The following FBXL13 variants were observed in gnomAD, a reference collection of about 807,000 sequenced individuals.
FBXL13 encodes F-box and leucine-rich repeat protein 13.
Under a neutral mutation model 83.6 loss-of-function variants are expected in FBXL13, and 67 were observed. The ratio of observed to expected loss-of-function variants is 0.80; its 90% confidence interval spans 0.66 to 0.98. FBXL13 has a LOEUF of 0.98. Ranked by LOEUF, FBXL13 falls within the 50% of genes least tolerant of loss-of-function variation. FBXL13 has a pLI of 0.00. For synonymous variants in FBXL13, 272 were observed against 299.5 expected, an observed-to-expected ratio of 0.91 and a Z score of 0.95; for missense variants, 822 against 866.5, an observed-to-expected ratio of 0.95 and a Z score of 0.64.
intron 8 of FBXL13, among the ~76,000 whole-genome samples, chr7:102,947,346 G>C (rs965764894): frequency 5.3e-5 from 8 of 152,142 alleles, no homozygotes; most frequent in African/African-American, 1.7e-4. Context: ...AGGCTAGTTA[G>C]GGATTTTATT....
chr7:102,923,385 C>T (rs992373934), intron 10 of FBXL13, among the ~76,000 whole-genome samples: 5 of 152,086 alleles, frequency 3.3e-5, no homozygotes, highest in Non-Finnish European at 7.3e-5. Flanking sequence ...AATGAGAGGT[C>T]ACCAAACACA....
intron 18 of FBXL13, among the ~76,000 whole-genome samples, chr7:102,831,455 T>C (rs1335056615): frequency 1.3e-5 from 2 of 151,176 alleles, no homozygotes; most frequent in African/African-American, 4.9e-5. Context: ...AGTTATCTTG[T>C]CCAAAATATG....
intron 11 of FBXL13, among the ~76,000 whole-genome samples, chr7:102,898,678 CAGCAA>C (rs1812583191): frequency 6.6e-6 from 1 of 152,094 alleles, no homozygotes; most frequent in Non-Finnish European, 1.5e-5. Flanking sequence ...CTGTCAGTGC[CAGCAA>C]AGTGGGAAGT....
At chr7:103,018,774 A>G (rs1404175700) in intron 6 of FBXL13, among the ~76,000 whole-genome samples, 3 of 152,244 alleles carry the variant, frequency 2.0e-5, no homozygotes, top group Non-Finnish European at 4.4e-5. Flanking sequence ...AAGAAGAGAT[A>G]ACTATACTAA....
intron 8 of FBXL13, among the ~76,000 whole-genome samples, chr7:102,950,237 T>C (rs1004400479): frequency 1.3e-5 from 2 of 152,150 alleles, no homozygotes; most frequent in Non-Finnish European, 2.9e-5. Flanking sequence ...ACAAATGTCA[T>C]CAGGGAAATG....
chr7:102,846,118 A>G (rs1197203163), intron 17 of FBXL13, among the ~76,000 whole-genome samples: 1 of 152,228 alleles, frequency 6.6e-6, no homozygotes, highest in Non-Finnish European at 1.5e-5. Flanking sequence ...CTAAATTGAT[A>G]TTAGCTGACA....
intron 2 of FBXL13, among the ~76,000 whole-genome samples, chr7:103,045,390 T>G (rs1036120092): frequency 6.6e-6 from 1 of 152,244 alleles, no homozygotes; most frequent in Non-Finnish European, 1.5e-5. Context: ...TTAGTTCACT[T>G]TAACAACTTC....
chr7:103,035,110 C>T (rs1794945374), intron 2 of FBXL13, among the ~76,000 whole-genome samples: 1 of 152,126 alleles, frequency 6.6e-6, no homozygotes, highest in Non-Finnish European at 1.5e-5. Flanking sequence ...CCAGTGTGGT[C>T]TGAGTAAAGT....
chr7:102,876,197 C>T (rs1006680610), intron 16 of FBXL13, among the ~76,000 whole-genome samples: 6 of 152,142 alleles, frequency 3.9e-5, no homozygotes, highest in Non-Finnish European at 7.3e-5. Flanking sequence ...AAGGCAGACA[C>T]GACAGGGAAA....
intron 16 of FBXL13, among the ~76,000 whole-genome samples, chr7:102,873,415 G>T (rs568202918): frequency 6.6e-6 from 1 of 152,260 alleles, no homozygotes; most frequent in African/African-American, 2.4e-5. Flanking sequence ...CTCACATTCA[G>T]TTGAGCTCTA....
At chr7:102,910,332 G>A (rs1185940398) in intron 11 of FBXL13, among the ~76,000 whole-genome samples, 1 of 152,142 alleles carries the variant, frequency 6.6e-6, no homozygotes, top group African/African-American at 2.4e-5. Context: ...AACCAGGTAC[G>A]ATGACTGCTC....
At chr7:102,841,751 C>G (rs1402159944) in intron 17 of FBXL13, among the ~76,000 whole-genome samples, 1 of 152,178 alleles carries the variant, frequency 6.6e-6, no homozygotes, top group Non-Finnish European at 1.5e-5. Flanking sequence ...GCCTGGGTAT[C>G]TTGGCAAGAG....
At chr7:102,912,308 C>G (rs1374679413) in intron 11 of FBXL13, among the ~76,000 whole-genome samples, 2 of 152,166 alleles carry the variant, frequency 1.3e-5, no homozygotes, top group African/African-American at 4.8e-5. Context: ...ATCAATATTT[C>G]AGCCAGTTCT....
chr7:103,052,364 C>T (rs960057656), intron 2 of FBXL13, among the ~76,000 whole-genome samples: 2 of 152,030 alleles, frequency 1.3e-5, no homozygotes, highest in African/African-American at 4.8e-5. Context: ...GATGGGAGTA[C>T]AAGTGCATGC....
At chr7:103,071,921 G>T (rs1798995918) in intron 1 of FBXL13, among the ~76,000 whole-genome samples, 1 of 152,190 alleles carries the variant, frequency 6.6e-6, no homozygotes, top group Non-Finnish European at 1.5e-5. Flanking sequence ...GGTGGGTCAT[G>T]CCTGTAATCT....
chr7:102,842,970 G>A lies in FBXL13; in HGVS notation c.1720-9996C>T, dbSNP rs1437039451. On this transcript the variant is annotated intron_variant, in intron 17 of 19. Transcript: ENST00000313221. ...CAACTATGAAGTAGCTTATGATTGT[G>A]CCACATGGCTGCCGCCCTTCCCAGT... is the stretch of plus-strand genomic sequence containing the variant. 9.9e-5 allele frequency among the ~76,000 whole-genome samples: 15 copies of A among 152,184 alleles called. No homozygotes were observed. The South Asian group carries it at 1.9e-3, about 19-fold the overall frequency.
intron 8 of FBXL13, among the ~76,000 whole-genome samples, chr7:102,932,899 T>C (rs1451240750): frequency 6.6e-6 from 1 of 152,196 alleles, no homozygotes; most frequent in Non-Finnish European, 1.5e-5. Flanking sequence ...CTGGCCAGAA[T>C]AGTTATTTGA....
At chr7:103,025,579 T>C (rs1181705552) in intron 5 of FBXL13, among the ~76,000 whole-genome samples, 3 of 152,080 alleles carry the variant, frequency 2.0e-5, no homozygotes, top group Non-Finnish European at 4.4e-5. Flanking sequence ...GTGATTAACA[T>C]ACAGATAACA....
chr7:102,835,641 G>A (rs1388429974), intron 17 of FBXL13, among the ~76,000 whole-genome samples: 3 of 99,086 alleles, frequency 3.0e-5, no homozygotes, highest in African/African-American at 5.0e-5. Flanking sequence ...ACGGAGTCTC[G>A]CTCTGTCGCC....
Sources: gnomAD v4.1 joint callset for allele counts (sites outside exome capture counted in the v4.1 genomes callset) on GRCh38, gnomAD v4.1.1 for gene constraint, MANE v1.5 for transcripts, NCBI Gene and HGNC (gene_info 2026-07-23, HGNC 2026-07-21) for gene names.